Variants in DOK6 observed in about 807,000 individuals in gnomAD.
DOK6 encodes the protein downstream of tyrosine kinase 6.
A neutral mutation model predicts 44.0 loss-of-function variants in DOK6; 22 were observed. That is an observed-to-expected ratio of 0.50 (90% confidence interval 0.36 to 0.71). The LOEUF (loss-of-function observed/expected upper bound fraction) is 0.71. Ranked by LOEUF, DOK6 falls within the 30% of genes least tolerant of loss-of-function variation. The pLI is 0.00. For synonymous variants in DOK6, 166 were observed against 145.5 expected (o/e 1.14, Z -1.01); for missense variants, 340 against 416.4 (o/e 0.82, Z 1.60).
At chr18:69,773,885 C>A (rs1488216826) in intron 7 of DOK6, among the ~76,000 whole-genome samples, 1 of 151,058 alleles carries the variant, frequency 6.6e-6, no homozygotes, top group Non-Finnish European at 1.5e-5. Context: ...AATAGAATAC[C>A]ATTTGATCCA....
rs994847190 is a variant in DOK6, at chr18:69,492,549, C to T, written c.67-71938C>T. ...TCATTCAGATAATAAGCATAGTACC[C>T]GATAGGTAGTTTTTCAATCCTCACC... On this transcript the variant is annotated intron_variant, in intron 1 of 7. Coordinates refer to ENST00000382713, the MANE Select transcript of DOK6 (RefSeq NM_152721.6). Among the ~76,000 whole-genome samples, 10 of 151,992 alleles carry T rather than the reference C, an allele frequency of 6.6e-5. No individual in the cohort carries two copies. The East Asian group carries it at 7.7e-4, about 12-fold the overall frequency.
chr18:69,789,585 G>A (rs1980533367), intron 7 of DOK6, among the ~76,000 whole-genome samples: 1 of 152,080 alleles, frequency 6.6e-6, no homozygotes. Context: ...TTATAGTGGG[G>A]TGGTAAGCAA....
chr18:69,566,994 C>G (rs1191010926), intron 2 of DOK6, among the ~76,000 whole-genome samples: 1 of 152,196 alleles, frequency 6.6e-6, no homozygotes, highest in Non-Finnish European at 1.5e-5. Context: ...GTGCTCAGAG[C>G]TAAGGAAAAT....
intron 1 of DOK6, among the ~76,000 whole-genome samples, chr18:69,518,921 T>C (rs1207294845): frequency 1.3e-5 from 2 of 152,062 alleles, no homozygotes; most frequent in East Asian, 3.8e-4. Flanking sequence ...GTTTTAAAAA[T>C]TGTCAGGTAC....
At chr18:69,684,212 G>C (rs1300161275) in intron 4 of DOK6, among the ~76,000 whole-genome samples, 1 of 152,038 alleles carries the variant, frequency 6.6e-6, no homozygotes, top group African/African-American at 2.4e-5. Flanking sequence ...TTTCTCACTT[G>C]GTCTTCAATA....
chr18:69,830,966 T>C (rs1253057382), intron 7 of DOK6, among the ~76,000 whole-genome samples: 1 of 152,136 alleles, frequency 6.6e-6, no homozygotes, highest in Non-Finnish European at 1.5e-5. Context: ...TGAAGATATG[T>C]GTATGAGTAA....
At chr18:69,586,774 G>C (rs62095358) in intron 2 of DOK6, among the ~76,000 whole-genome samples, 46,770 of 151,908 alleles carry the variant, frequency 0.31, 7,361 homozygotes, top group Middle Eastern at 0.52. Context: ...TCCTCCTGGG[G>C]CCCCGATACT....
At chr18:69,618,241 T>G (rs944568541) in intron 3 of DOK6, among the ~76,000 whole-genome samples, 6 of 152,224 alleles carry the variant, frequency 3.9e-5, no homozygotes, top group African/African-American at 1.4e-4. Flanking sequence ...CAGTTTGTGA[T>G]CATTTTTACG....
At chr18:69,605,534 A>T (rs1983974801) in intron 3 of DOK6, among the ~76,000 whole-genome samples, 1 of 152,222 alleles carries the variant, frequency 6.6e-6, no homozygotes. Flanking sequence ...AAGTTAAAAC[A>T]TCACTTTTTT....
chr18:69,462,539 G>A (rs1021773721), intron 1 of DOK6, among the ~76,000 whole-genome samples: 2 of 152,078 alleles, frequency 1.3e-5, no homozygotes, highest in Non-Finnish European at 2.9e-5. Flanking sequence ...AATGTCATGG[G>A]TATTTAAAGG....
intron 3 of DOK6, among the ~76,000 whole-genome samples, chr18:69,621,245 T>G (rs1984432157): frequency 6.6e-6 from 1 of 152,188 alleles, no homozygotes; most frequent in East Asian, 1.9e-4. Flanking sequence ...AGTGACTATT[T>G]CCGTAAGGCT....
intron 7 of DOK6, among the ~76,000 whole-genome samples, chr18:69,765,961 C>A (rs1401618195): frequency 2.0e-5 from 3 of 151,882 alleles, no homozygotes; most frequent in African/African-American, 7.3e-5. Context: ...AGGTGCCTAC[C>A]CCACCCCTGC....
At chr18:69,509,531 G>A (rs1342702468) in intron 1 of DOK6, among the ~76,000 whole-genome samples, 1 of 151,604 alleles carries the variant, frequency 6.6e-6, no homozygotes, top group Non-Finnish European at 1.5e-5. Context: ...CCAGCTACTC[G>A]GGAGGCCGAG....
At chr18:69,749,338 A>G (rs1340279036) in intron 6 of DOK6, among the ~76,000 whole-genome samples, 1 of 152,200 alleles carries the variant, frequency 6.6e-6, no homozygotes, top group East Asian at 1.9e-4. Flanking sequence ...GAACATAGGC[A>G]GTTTCTGAGT....
chr18:69,687,600 T>C (rs191726615), intron 4 of DOK6, among the ~76,000 whole-genome samples: 5 of 152,248 alleles, frequency 3.3e-5, no homozygotes, highest in Admixed American at 2.0e-4. Flanking sequence ...GAGAATTGCT[T>C]GAGCCCAAGA....
chr18:69,763,060 G>A (rs1179673864), intron 7 of DOK6, among the ~76,000 whole-genome samples: 1 of 152,088 alleles, frequency 6.6e-6, no homozygotes, highest in Admixed American at 6.6e-5. Flanking sequence ...ATCTTTCCAT[G>A]CTACGCCCAG....
chr18:69,556,966 C>T (rs1361448579), intron 1 of DOK6, among the ~76,000 whole-genome samples: 1 of 152,174 alleles, frequency 6.6e-6, no homozygotes, highest in Non-Finnish European at 1.5e-5. Flanking sequence ...TTACTCATAG[C>T]ATAAACCTGT....
At chr18:69,570,968 T>C (rs893169176) in intron 2 of DOK6, among the ~76,000 whole-genome samples, 6 of 152,058 alleles carry the variant, frequency 3.9e-5, no homozygotes, top group African/African-American at 1.4e-4. Context: ...TCTTCAGGAA[T>C]AGATGAAGGG....
chr18:69,485,725 G>A (rs12606105), intron 1 of DOK6, among the ~76,000 whole-genome samples: 36,135 of 152,016 alleles, frequency 0.24, 4,622 homozygotes, highest in East Asian at 0.53. Context: ...TGTTTTCTAG[G>A]AAGAATTTTA....
Sources: gnomAD v4.1 joint callset for allele counts (sites outside exome capture counted in the v4.1 genomes callset) on GRCh38, gnomAD v4.1.1 for gene constraint, MANE v1.5 for transcripts, NCBI Gene and HGNC (gene_info 2026-07-23, HGNC 2026-07-21) for gene names.